The following PTPRG variants were observed in gnomAD, a reference collection of about 807,000 sequenced individuals.
PTPRG encodes protein tyrosine phosphatase receptor type G, also known as receptor-type tyrosine-protein phosphatase gamma.
PTPRG carries 102 observed loss-of-function variants against 165.3 expected under a neutral mutation model. The ratio of observed to expected loss-of-function variants is 0.62; its 90% CI spans 0.53 to 0.73. PTPRG has a LOEUF of 0.73. PTPRG is among the 30% of genes least tolerant of loss of function. The probability of loss-of-function intolerance (pLI) is 0.00; values close to 1 mark genes in which losing one functional copy is unlikely to be tolerated. For synonymous variants in PTPRG, 675 were observed against 669.5 expected (o/e 1.01, Z -0.13); for missense variants, 1,866 against 1,861.4 (o/e 1.00, Z -0.05).
At chr3:61,745,033 T>A (rs2106897728) in intron 1 of PTPRG, among the ~76,000 whole-genome samples, 1 of 150,758 alleles carries the variant, frequency 6.6e-6, no homozygotes, top group Admixed American at 6.7e-5. Context: ...ATCTTTCATG[T>A]GTTCATTCAT....
intron 1 of PTPRG, among the ~76,000 whole-genome samples, chr3:61,710,579 C>T (rs897164911): frequency 3.3e-5 from 5 of 152,076 alleles, no homozygotes; most frequent in African/African-American, 4.8e-5. Flanking sequence ...AACACAAATT[C>T]GTAAACTTTC....
chr3:62,001,586 A>G (rs2041173149), intron 3 of PTPRG, among the ~76,000 whole-genome samples: 1 of 151,362 alleles, frequency 6.6e-6, no homozygotes. Flanking sequence ...TTTAGAAGAT[A>G]TTTTATTATA....
In PTPRG at chr3:62,252,457, A is replaced by G. The variant is rs111727105; in HGVS notation, c.2468-2667A>G. On this transcript the variant is annotated intron_variant, in intron 15 of 29. Transcript: ENST00000474889. This position sits in a 1 kb window ranked among gnomAD's most constrained non-coding sequence, Gnocchi z 4.6. ...TTGGAGTACATGTTAATACATATAAAGTACACAGAAAGTGCCTGGCCTAGT... is the reference window on the plus strand; with the variant it reads ...TTGGAGTACATGTTAATACATATAAGGTACACAGAAAGTGCCTGGCCTAGT... Among the ~76,000 whole-genome samples the G allele has an allele frequency of 9.2e-3, 1,397 of 152,356 alleles. 8 individuals are homozygous for G. Among genetic ancestry groups the G allele is most frequent in the Non-Finnish European group, 0.015 (1,048 of 68,030 alleles).
chr3:61,579,942 C>A (rs1700248649), intron 1 of PTPRG, among the ~76,000 whole-genome samples: 1 of 152,130 alleles, frequency 6.6e-6, no homozygotes, highest in African/African-American at 2.4e-5. Flanking sequence ...CAATAAATGT[C>A]TTAGAAGATT....
intron 4 of PTPRG, among the ~76,000 whole-genome samples, chr3:62,070,329 T>C (rs1701167699): frequency 6.6e-6 from 1 of 152,228 alleles, no homozygotes; most frequent in African/African-American, 2.4e-5. Context: ...AATTCCTTCA[T>C]TCTTTCAATA....
chr3:62,292,178 C>T (rs561734415), intron 28 of PTPRG, among the ~76,000 whole-genome samples: 1 of 152,188 alleles, frequency 6.6e-6, no homozygotes, highest in Admixed American at 6.5e-5. Context: ...CTCTCATTTC[C>T]TATTAGATAT....
intron 2 of PTPRG, among the ~76,000 whole-genome samples, chr3:61,837,089 AT>A (rs2036489832): frequency 6.6e-6 from 1 of 152,006 alleles, no homozygotes; most frequent in Admixed American, 6.6e-5. Flanking sequence ...CAATTTTTGT[AT>A]TTTTGTAAAG....
intron 2 of PTPRG, among the ~76,000 whole-genome samples, chr3:61,944,622 G>A (rs555336523): frequency 6.6e-6 from 1 of 152,156 alleles, no homozygotes; most frequent in Non-Finnish European, 1.5e-5. Context: ...GTTCGAGATC[G>A]TTGGATTCAT....
intron 8 of PTPRG, among the ~76,000 whole-genome samples, chr3:62,181,130 G>C (rs1705629439): frequency 6.6e-6 from 1 of 152,204 alleles, no homozygotes; most frequent in Admixed American, 6.5e-5. Context: ...CAGGTAACAG[G>C]TGGCATCAGT....
At chr3:62,076,756 T>C (rs1701402320) in intron 4 of PTPRG, among the ~76,000 whole-genome samples, 1 of 139,622 alleles carries the variant, frequency 7.2e-6, no homozygotes, top group South Asian at 2.1e-4. Flanking sequence ...TAATTTTGTA[T>C]TTTTTGTAGG....
At chr3:61,676,757 A>AT (rs1347688005) in intron 1 of PTPRG, among the ~76,000 whole-genome samples, 2 of 152,132 alleles carry the variant, frequency 1.3e-5, no homozygotes, top group Non-Finnish European at 2.9e-5. Flanking sequence ...GCTGAGAGCT[A>AT]TTATAGGCCT....
At chr3:61,685,246 C>A (rs948378186) in intron 1 of PTPRG, among the ~76,000 whole-genome samples, 23 of 152,210 alleles carry the variant, frequency 1.5e-4, no homozygotes, top group Non-Finnish European at 2.9e-5. Context: ...CTGGCCTGTG[C>A]AAACAGGCGC....
intron 1 of PTPRG, among the ~76,000 whole-genome samples, chr3:61,651,234 G>A (rs1368133873): frequency 1.3e-5 from 2 of 151,888 alleles, no homozygotes; most frequent in South Asian, 2.1e-4. Flanking sequence ...AGACCATCTG[G>A]TATCTTGGTA....
intron 1 of PTPRG, among the ~76,000 whole-genome samples, chr3:61,715,885 A>G (rs1035047139): frequency 1.3e-5 from 2 of 151,402 alleles, no homozygotes; most frequent in Non-Finnish European, 2.9e-5. Flanking sequence ...TTAAATCTCT[A>G]CCATCCAAGA....
In PTPRG at chr3:61,799,019, C is replaced by G. The variant is rs1024238410; in HGVS notation, c.190+50037C>G. Reference sequence around the variant, plus strand: ...TCTCTCCACCTGTTAGGGACATAAACATTAAAAATTTTTTTTTATTTTAAA... The same window carrying G: ...TCTCTCCACCTGTTAGGGACATAAAGATTAAAAATTTTTTTTTATTTTAAA... On this transcript the variant is annotated intron_variant, in intron 2 of 29. Coordinates refer to ENST00000474889, the MANE Select transcript of PTPRG (RefSeq NM_002841.4). Among the ~76,000 whole-genome samples, 5 of 151,866 alleles carry G rather than the reference C, an allele frequency of 3.3e-5. No individual in the cohort carries two copies. The East Asian group carries it at 7.7e-4, about 23-fold the overall frequency.
intron 6 of PTPRG, among the ~76,000 whole-genome samples, chr3:62,146,131 A>G (rs867699035): frequency 6.6e-6 from 1 of 152,370 alleles, no homozygotes; most frequent in South Asian, 2.1e-4. Flanking sequence ...GTATGACTCT[A>G]TATAATTTAA....
At chr3:62,292,016 A>G (rs1250592294) in intron 28 of PTPRG, among the ~76,000 whole-genome samples, 1 of 151,992 alleles carries the variant, frequency 6.6e-6, no homozygotes, top group East Asian at 1.9e-4. Flanking sequence ...AACTGTTTGG[A>G]ATTGTTAAAA....
chr3:62,284,123 G>A (rs1216502852), intron 28 of PTPRG, among the ~76,000 whole-genome samples: 1 of 151,908 alleles, frequency 6.6e-6, no homozygotes, highest in Admixed American at 6.6e-5. Flanking sequence ...AAATTCTAAC[G>A]TTACTGCCCA....
At chr3:62,182,845 C>T (rs1320004688) in intron 8 of PTPRG, among the ~76,000 whole-genome samples, 3 of 152,060 alleles carry the variant, frequency 2.0e-5, no homozygotes, top group African/African-American at 4.8e-5. Context: ...TTAGTAGAGA[C>T]GGGGTTTCAC....
Sources: gnomAD v4.1 joint callset for allele counts (sites outside exome capture counted in the v4.1 genomes callset) on GRCh38, gnomAD v4.1.1 for gene constraint, Gnocchi (gnomAD v3.1) non-coding constraint, MANE v1.5 for transcripts, NCBI Gene and HGNC (gene_info 2026-07-23, HGNC 2026-07-21) for gene names.